The following ISCA1 variants were observed in gnomAD, a reference collection of about 807,000 sequenced individuals.
ISCA1 encodes iron-sulfur cluster assembly 1 homolog, mitochondrial.
In ISCA1, 9 loss-of-function variants were observed where a neutral mutation model predicts 14.7. The observed-to-expected ratio is 0.61, with a 90% CI of 0.37 to 1.07. The LOEUF (loss-of-function observed/expected upper bound fraction) is 1.07, where lower values mean the gene tolerates loss of function less well. Ranked by LOEUF, ISCA1 falls within the 50% of genes least tolerant of loss-of-function variation. The pLI, the probability that ISCA1 is intolerant of heterozygous loss-of-function variation, is 0.01. For synonymous variants in ISCA1, 38 were observed against 54.3 expected, an observed-to-expected ratio of 0.70 and a Z score of 1.32; for missense variants, 102 against 150.1, an observed-to-expected ratio of 0.68 and a Z score of 1.67.
chr9:86,266,228 C>A (rs1476235220), intron 3 of ISCA1, 37 bp from the exon 4 acceptor site: 1 of 1,567,744 alleles, frequency 6.4e-7, no homozygotes, highest in Non-Finnish European at 8.6e-7. Context: ...GGAAAGCCTG[C>A]AGCCTTATGG....
chr9:86,273,623 G>T (rs777177808), intron 2 of ISCA1, among the ~76,000 whole-genome samples: 1 of 152,300 alleles, frequency 6.6e-6, no homozygotes, highest in East Asian at 1.9e-4. Context: ...GGTAGGAAGA[G>T]ATATACACAG....
intron 3 of ISCA1, 103 bp from the exon 4 acceptor site, chr9:86,266,294 A>ACTATTTC: frequency 6.8e-7 from 1 of 1,475,750 alleles, no homozygotes; most frequent in Non-Finnish European, 9.0e-7. Context: ...AATGAAAGTC[A>ACTATTTC]AACAAGAAGC....
intron 2 of ISCA1, 91 bp downstream of exon 2, chr9:86,274,098 C>A: frequency 2.8e-6 from 2 of 703,466 alleles, no homozygotes. Context: ...ATAAAAACCC[C>A]TAAATGAAAT....
chr9:86,264,994 T>A lies in ISCA1; in HGVS notation c.*1049A>T, dbSNP rs371252407. ...ATTCTCCTGTACAGTGAGGACCACATTCCAAAAGCATAATTCTGGGTTGCT... is the reference window on the plus strand; with the variant it reads ...ATTCTCCTGTACAGTGAGGACCACAATCCAAAAGCATAATTCTGGGTTGCT... On this transcript the variant is annotated 3_prime_UTR_variant, in exon 4 of 4. Transcript: ENST00000375991. 3 of 152,196 alleles carry A rather than the reference T, an allele frequency of 2.0e-5. No individual in the cohort carries two copies. Among genetic ancestry groups the A allele is most frequent in the African/African-American group, 7.2e-5 (3 of 41,456 alleles). 9.4% of individuals were successfully genotyped at this position (152,196 alleles called of 1,614,324 possible).
chr9:86,272,816 C>T lies in ISCA1; in HGVS notation c.136-704G>A, dbSNP rs117034023. ...TGTACTTTAAATAACTTCTGGAGGA[C>T]TTGAATACCTGTAACAATGTAATGC... On this transcript the variant is annotated intron_variant, in intron 2 of 3. Coordinates refer to ENST00000375991, the MANE Select transcript of ISCA1 (RefSeq NM_030940.4). Among the ~76,000 whole-genome samples the T allele has an allele frequency of 6.8e-3, 1,034 of 152,262 alleles. 5 individuals are homozygous for T. Among genetic ancestry groups the T allele is most frequent in the Non-Finnish European group, 0.011 (742 of 68,020 alleles).
intron 1 of ISCA1, among the ~76,000 whole-genome samples, chr9:86,276,981 G>A (rs1825446193): frequency 1.3e-5 from 2 of 151,588 alleles, no homozygotes; most frequent in South Asian, 4.2e-4. Context: ...GCACAGATGG[G>A]CACACCACTG....
intron 3 of ISCA1, chr9:86,267,185 A>G (rs940622123): frequency 2.0e-5 from 6 of 301,428 alleles, no homozygotes; most frequent in African/African-American, 1.4e-4. Context: ...TGATTGTGCC[A>G]CTGCACTCCA....
intron 3 of ISCA1, among the ~76,000 whole-genome samples, chr9:86,269,495 C>T (rs541461471): frequency 8.6e-5 from 13 of 151,962 alleles, no homozygotes; most frequent in South Asian, 6.3e-4. Context: ...GAATCAATAT[C>T]GTGAAAATGG....
At position 86,279,898 on chromosome 9, in the gene ISCA1, C is replaced by A. The variant is rs368340511; in HGVS notation, c.81+2480G>T. Among the ~76,000 whole-genome samples, 7 of 152,338 alleles carry A rather than the reference C, an allele frequency of 4.6e-5. 1 individual carries two copies. The highest frequency in any genetic ancestry group is 3.3e-4 in the Admixed American group (5 of 15,306). ...TGGAACTAAAATGACTGCAAGCCCACCAACACAGGCTGTGTGGAAAACAGC... is the reference window on the plus strand; with the variant it reads ...TGGAACTAAAATGACTGCAAGCCCAACAACACAGGCTGTGTGGAAAACAGC... On this transcript the variant is annotated intron_variant, in intron 1 of 3. Coordinates refer to ENST00000375991, the MANE Select transcript of ISCA1 (RefSeq NM_030940.4).
intron 2 of ISCA1, among the ~76,000 whole-genome samples, chr9:86,272,595 T>G (rs537005627): frequency 3.9e-5 from 6 of 152,362 alleles, no homozygotes; most frequent in African/African-American, 1.4e-4. Flanking sequence ...ATGTTTACAT[T>G]AATGCAATTT....
chr9:86,276,944 T>C (rs1825445748), intron 1 of ISCA1, among the ~76,000 whole-genome samples: 2 of 146,250 alleles, frequency 1.4e-5, no homozygotes, highest in South Asian at 4.4e-4. Flanking sequence ...TGAAACGTGG[T>C]CTTGGTTTAA....
intron 3 of ISCA1, 28 bp downstream of exon 3, chr9:86,271,979 G>T: frequency 2.3e-6 from 3 of 1,313,638 alleles, no homozygotes; most frequent in Non-Finnish European, 3.3e-6. Context: ...AAAACAATGT[G>T]CCCAAAAAAT....
At chr9:86,282,065 G>A (rs1213256521) in intron 1 of ISCA1, 3 of 388,320 alleles carry the variant, frequency 7.7e-6, no homozygotes, top group South Asian at 3.9e-5. Context: ...CAGGCCGGCA[G>A]GAGTGTGGAG....
chr9:86,280,492 A>C (rs1280591536), intron 1 of ISCA1, among the ~76,000 whole-genome samples: 8 of 150,436 alleles, frequency 5.3e-5, no homozygotes. Flanking sequence ...GCTACTCAGG[A>C]GGCTGAGGCA....
At chr9:86,272,768 T>C (rs1825387292) in intron 2 of ISCA1, among the ~76,000 whole-genome samples, 1 of 152,240 alleles carries the variant, frequency 6.6e-6, no homozygotes, top group Non-Finnish European at 1.5e-5. Context: ...TGCATTTGTA[T>C]ATAACCTATA....
chr9:86,276,742 G>C (rs1825442307), intron 1 of ISCA1, among the ~76,000 whole-genome samples: 1 of 151,878 alleles, frequency 6.6e-6, no homozygotes, highest in African/African-American at 2.4e-5. Flanking sequence ...ATGATGGCAT[G>C]CGCCTGTAAT....
At chr9:86,273,817 G>C (rs370695881) in intron 2 of ISCA1, among the ~76,000 whole-genome samples, 8 of 152,148 alleles carry the variant, frequency 5.3e-5, no homozygotes, top group African/African-American at 1.7e-4. Context: ...AGGCAAAGAG[G>C]GGGTACTACT....
At chr9:86,267,607 G>A in intron 3 of ISCA1, 1 of 869,526 alleles carries the variant, frequency 1.2e-6, no homozygotes, top group African/African-American at 1.8e-5. Flanking sequence ...ATAATAAATA[G>A]CTTTGAATAA....
intron 2 of ISCA1, 93 bp downstream of exon 2, chr9:86,274,096 C>G (rs1313691247): frequency 3.0e-6 from 2 of 674,276 alleles, no homozygotes; most frequent in Non-Finnish European, 5.1e-6. Context: ...AAATAAAAAC[C>G]CCTAAATGAA....
Sources: gnomAD v4.1 joint callset for allele counts (sites outside exome capture counted in the v4.1 genomes callset) on GRCh38, gnomAD v4.1.1 for gene constraint, MANE v1.5 for transcripts, NCBI Gene and HGNC (gene_info 2026-07-23, HGNC 2026-07-21) for gene names.